IQUB: variants seen among roughly 807,000 people sequenced by gnomAD.
IQUB encodes IQ motif and ubiquitin-like domain-containing protein.
In IQUB, 86 loss-of-function variants were observed where a neutral mutation model predicts 86.4. The ratio of observed to expected loss-of-function variants is 1.00; its 90% confidence interval spans 0.84 to 1.19. The LOEUF (loss-of-function observed/expected upper bound fraction) is 1.19. IQUB is among the 50% of genes most tolerant of loss of function. IQUB has a pLI of 0.00. For synonymous variants in IQUB, 289 were observed against 304.5 expected (o/e 0.95, Z 0.53); for missense variants, 946 against 916.9 (o/e 1.03, Z -0.41).
At chr7:123,511,250 C>G (rs947078511) in intron 2 of IQUB, among the ~76,000 whole-genome samples, 1 of 152,226 alleles carries the variant, frequency 6.6e-6, no homozygotes, top group African/African-American at 2.4e-5. Flanking sequence ...ACTCTGTAGG[C>G]AGAAACTCTC....
At chr7:123,497,398 T>C (rs1198033026) in intron 6 of IQUB, among the ~76,000 whole-genome samples, 2 of 152,162 alleles carry the variant, frequency 1.3e-5, no homozygotes, top group Non-Finnish European at 2.9e-5. Flanking sequence ...CTCATGTTTA[T>C]AACAAAACTG....
intron 8 of IQUB, among the ~76,000 whole-genome samples, chr7:123,472,756 C>A (rs574703291): frequency 6.6e-6 from 1 of 152,296 alleles, no homozygotes; most frequent in South Asian, 2.1e-4. Context: ...GATCTTCAAG[C>A]CTAGGCTTTT....
In IQUB at chr7:123,503,381, A is replaced by T; in HGVS notation, c.533-18T>A. 1 of 1,381,514 alleles carries T rather than the reference A, an allele frequency of 7.2e-7. No individual in the cohort carries two copies. The highest frequency in any genetic ancestry group is 9.9e-7 in the Non-Finnish European group (1 of 1,010,438). The allele number at this position is 1,381,514 out of a possible 1,614,324, so 85.6% of individuals were successfully genotyped here. The stretch of plus-strand genomic sequence containing the variant: ...AATTTTTCCTAAAAATTGAAATAAA[A>T]TTTTTAAAAGTTTTATGACAAAGAA... On this transcript the variant is annotated intron_variant, in intron 3 of 12. Coordinates refer to ENST00000324698, the MANE Select transcript of IQUB (RefSeq NM_178827.5).
chr7:123,478,832 G>A (rs895940130), intron 8 of IQUB, among the ~76,000 whole-genome samples: 1 of 152,082 alleles, frequency 6.6e-6, no homozygotes, highest in African/African-American at 2.4e-5. Context: ...GGGATGGTAA[G>A]GTGATAGGAC....
intron 2 of IQUB, 61 bp downstream of exon 2, chr7:123,511,883 A>G (rs914276915): frequency 7.6e-6 from 10 of 1,308,266 alleles, no homozygotes; most frequent in Middle Eastern, 2.1e-4. Context: ...TAAGCCAACA[A>G]GAAAACGCAT....
At chr7:123,528,613 G>C (rs770822849) in intron 1 of IQUB, among the ~76,000 whole-genome samples, 17 of 152,088 alleles carry the variant, frequency 1.1e-4, no homozygotes, top group Non-Finnish European at 2.5e-4. Flanking sequence ...AACAGAAAAG[G>C]GGTCCTGGTG....
intron 3 of IQUB, 63 bp from the exon 4 acceptor site, chr7:123,503,426 A>AT (rs975826430): frequency 1.1e-6 from 1 of 891,258 alleles, no homozygotes; most frequent in Non-Finnish European, 1.7e-6. Flanking sequence ...CATTGATCTT[A>AT]TTTTTTGTTT....
At chr7:123,472,510 T>C (rs573766562) in intron 8 of IQUB, among the ~76,000 whole-genome samples, 1 of 152,120 alleles carries the variant, frequency 6.6e-6, no homozygotes, top group Non-Finnish European at 1.5e-5. Context: ...TGACTGTAGA[T>C]AAATAGGTAA....
intron 1 of IQUB, among the ~76,000 whole-genome samples, chr7:123,513,303 T>C (rs552278551): frequency 1.3e-5 from 2 of 152,222 alleles, no homozygotes; most frequent in Admixed American, 1.3e-4. Context: ...TATACAAGAT[T>C]AGAGAGAGTT....
rs1300534015 is a variant in IQUB, at chr7:123,452,765, T to G, written c.2354A>C (p.Glu785Ala). The G allele has an allele frequency of 1.2e-6, 2 of 1,612,622 alleles. No homozygotes were observed. Among genetic ancestry groups the G allele is most frequent in the South Asian group, 1.1e-5 (1 of 90,888 alleles). Residue 785 changes from glutamate to alanine, a missense_variant, in exon 13 of 13, where the codon GAA becomes GCA. Transcript: ENST00000324698. ...CACCTAATGAGGAGGCCTCTGGGAT[T>G]CTATAATCTTAGGTGTTGTGTCTGA... Reference protein sequence around the residue: ...YHSDTTPKIIESQRPPH With the variant: ...YHSDTTPKIIASQRPPH
At chr7:123,472,038 G>T (rs1268156612) in intron 8 of IQUB, among the ~76,000 whole-genome samples, 1 of 152,024 alleles carries the variant, frequency 6.6e-6, no homozygotes, top group Non-Finnish European at 1.5e-5. Context: ...AGAAGTTCGA[G>T]AACAGCCTGG....
chr7:123,521,846 G>A (rs1796920124), intron 1 of IQUB, among the ~76,000 whole-genome samples: 1 of 152,124 alleles, frequency 6.6e-6, no homozygotes, highest in Admixed American at 6.5e-5. Flanking sequence ...GGTTAGCAGT[G>A]ATAAGCATTT....
chr7:123,477,975 G>A (rs192739887), intron 8 of IQUB, among the ~76,000 whole-genome samples: 5 of 152,166 alleles, frequency 3.3e-5, no homozygotes, highest in East Asian at 1.9e-4. Context: ...AAATAGGAAC[G>A]CTTTACACTG....
chr7:123,463,996 C>A (rs2116984632), intron 10 of IQUB, among the ~76,000 whole-genome samples: 1 of 151,546 alleles, frequency 6.6e-6, no homozygotes, highest in South Asian at 2.1e-4. Context: ...TTTTAAAAAT[C>A]AGTTTAAAAA....
chr7:123,468,870 T>TA (rs1476346712), intron 9 of IQUB, among the ~76,000 whole-genome samples: 1 of 152,182 alleles, frequency 6.6e-6, no homozygotes, highest in African/African-American at 2.4e-5. Context: ...AGAAAAAAGA[T>TA]AAAAATACAA....
At position 123,502,761 on chromosome 7, in the gene IQUB, A is replaced by G. The variant is rs1584616226; in HGVS notation, c.868-9T>C. On this transcript the variant is annotated splice_polypyrimidine_tract_variant and intron_variant, in intron 5 of 12. Transcript: ENST00000324698. ...TTTTTCTGAAAAACTGTCTAAAAGA[A>G]AACATTAAAAATTTAAATCAGTATC... 6.3e-7 allele frequency: 1 copy of G among 1,576,524 alleles called. No individual in the cohort carries two copies. Among genetic ancestry groups the G allele is most frequent in the South Asian group, 1.2e-5 (1 of 85,816 alleles).
intron 8 of IQUB, among the ~76,000 whole-genome samples, chr7:123,470,764 T>A (rs1168980059): frequency 3.3e-5 from 5 of 150,714 alleles, no homozygotes; most frequent in Non-Finnish European, 7.4e-5. Flanking sequence ...GGCAGGAGAA[T>A]GGCATGAACC....
chr7:123,478,807 C>A (rs1794864790), intron 8 of IQUB, among the ~76,000 whole-genome samples: 1 of 152,046 alleles, frequency 6.6e-6, no homozygotes, highest in Non-Finnish European at 1.5e-5. Context: ...GATCAGTTTA[C>A]AGGTGAGGGG....
At chr7:123,477,786 T>G (rs896354489) in intron 8 of IQUB, among the ~76,000 whole-genome samples, 6 of 152,152 alleles carry the variant, frequency 3.9e-5, no homozygotes, top group East Asian at 1.9e-4. Flanking sequence ...GCATAGGATA[T>G]GAAGAGACAT....
Sources: gnomAD v4.1 joint callset for allele counts (sites outside exome capture counted in the v4.1 genomes callset) on GRCh38, gnomAD v4.1.1 for gene constraint, MANE v1.5 for transcripts, NCBI Gene and HGNC (gene_info 2026-07-23, HGNC 2026-07-21) for gene names.